NXPE2: variants seen among roughly 807,000 people sequenced by gnomAD.
NXPE2 encodes the protein neurexophilin and PC-esterase domain family member 2.
A neutral mutation model predicts 34.4 loss-of-function variants in NXPE2; 34 were observed. The ratio of observed to expected loss-of-function variants is 0.99; its 90% CI spans 0.75 to 1.31. The LOEUF is 1.31. Ranked by LOEUF, NXPE2 falls within the 40% of genes most tolerant of loss-of-function variation. NXPE2 has a pLI of 0.00. For missense variants in NXPE2, 649 were observed against 672.5 expected, an observed-to-expected ratio of 0.97 and a Z score of 0.39; for synonymous variants, 235 against 231.3, an observed-to-expected ratio of 1.02 and a Z score of -0.15.
the NXPE2 span, among the ~76,000 whole-genome samples, chr11:114,557,968 C>T: frequency 6.6e-6 from 1 of 151,682 alleles, no homozygotes; most frequent in Non-Finnish European, 1.5e-5. Context: ...ACCTCATTTT[C>T]CTTCTATTTC....
chr11:114,468,979 A>AT, the NXPE2 span, among the ~76,000 whole-genome samples: 2 of 152,110 alleles, frequency 1.3e-5, no homozygotes, highest in African/African-American at 4.8e-5. Flanking sequence ...AGACAGGGTA[A>AT]TTTTTTTAAC....
At chr11:114,730,090 G>T in the NXPE2 span, among the ~76,000 whole-genome samples, 1 of 152,098 alleles carries the variant, frequency 6.6e-6, no homozygotes, top group African/African-American at 2.4e-5. Context: ...TATGGTGAAA[G>T]GTATGGGTCC....
At chr11:114,609,027 C>T in the NXPE2 span, among the ~76,000 whole-genome samples, 1 of 151,754 alleles carries the variant, frequency 6.6e-6, no homozygotes, top group South Asian at 2.1e-4. Flanking sequence ...TGTGGGTAAC[C>T]ACTCTTACCT....
At chr11:114,634,616 A>C in the NXPE2 span, among the ~76,000 whole-genome samples, 6 of 152,016 alleles carry the variant, frequency 3.9e-5, no homozygotes, top group Non-Finnish European at 5.9e-5. Flanking sequence ...TTAAGTCTTT[A>C]ATACATTTTG....
At chr11:114,632,044 TA>T in the NXPE2 span, among the ~76,000 whole-genome samples, 1 of 144,822 alleles carries the variant, frequency 6.9e-6, no homozygotes, top group African/African-American at 2.5e-5. Context: ...ATATAATATA[TA>T]ATTTAATAAT....
intron 2 of NXPE2, among the ~76,000 whole-genome samples, chr11:114,697,579 C>T (rs1051517578): frequency 6.6e-6 from 1 of 152,144 alleles, no homozygotes; most frequent in African/African-American, 2.4e-5. Context: ...GAGAACACAA[C>T]CCTTCAACTA....
chr11:114,778,055 T>C, the NXPE2 span, among the ~76,000 whole-genome samples: 3 of 152,136 alleles, frequency 2.0e-5, no homozygotes, highest in Non-Finnish European at 4.4e-5. Flanking sequence ...TTCAAAGAAG[T>C]GTAGTATTCT....
the NXPE2 span, among the ~76,000 whole-genome samples, chr11:114,759,568 A>G: frequency 1.3e-5 from 2 of 152,208 alleles, no homozygotes; most frequent in Admixed American, 6.5e-5. Context: ...CAGAGATTGT[A>G]TGTATCTTAA....
At chr11:114,704,142 T>C in intron 4 of NXPE2, 90 bp downstream of exon 4, 2 of 938,974 alleles carry the variant, frequency 2.1e-6, no homozygotes, top group Non-Finnish European at 3.3e-6. Context: ...ACATTAACGA[T>C]TTGATCTCTC....
chr11:114,662,907 C>G, the NXPE2 span, among the ~76,000 whole-genome samples: 1 of 152,152 alleles, frequency 6.6e-6, no homozygotes, highest in Non-Finnish European at 1.5e-5. Context: ...TACCCAGGTA[C>G]TATATTGAGG....
chr11:114,571,183 T>G, the NXPE2 span: 11 of 1,614,004 alleles, frequency 6.8e-6, no homozygotes, highest in South Asian at 1.2e-4. Flanking sequence ...TCTGGGCTTC[T>G]CAGAAGAAGA....
intron 2 of NXPE2, among the ~76,000 whole-genome samples, chr11:114,695,838 C>CACACACACACAT (rs1414914486): frequency 6.7e-6 from 1 of 148,774 alleles, no homozygotes; most frequent in East Asian, 2.0e-4. Flanking sequence ...TAAACACACA[C>CACACACACACAT]ACACACACAC....
the NXPE2 span, among the ~76,000 whole-genome samples, chr11:114,467,442 G>A: frequency 7.2e-5 from 11 of 152,112 alleles, no homozygotes; most frequent in African/African-American, 2.4e-4. Context: ...AGAGGCCTAG[G>A]AAATATGTAA....
the NXPE2 span, among the ~76,000 whole-genome samples, chr11:114,613,108 C>T: frequency 2.0e-5 from 3 of 151,444 alleles, no homozygotes; most frequent in Non-Finnish European, 2.9e-5. Flanking sequence ...TCCCAGGTAA[C>T]CACTGTAACC....
At chr11:114,487,799 A>T in the NXPE2 span, among the ~76,000 whole-genome samples, 1 of 151,270 alleles carries the variant, frequency 6.6e-6, no homozygotes, top group African/African-American at 2.4e-5. Flanking sequence ...ATGTGATATG[A>T]TATATCACAT....
the NXPE2 span, among the ~76,000 whole-genome samples, chr11:114,469,338 C>T: frequency 6.6e-6 from 1 of 151,626 alleles, no homozygotes; most frequent in Non-Finnish European, 1.5e-5. Flanking sequence ...TGGTCTCGAT[C>T]TCTTGACCTT....
At chr11:114,650,009 A>G in the NXPE2 span, among the ~76,000 whole-genome samples, 1 of 152,262 alleles carries the variant, frequency 6.6e-6, no homozygotes, top group Non-Finnish European at 1.5e-5. Flanking sequence ...AAAGGTCAAT[A>G]AAGATTTCTG....
At chr11:114,612,262 C>T in the NXPE2 span, among the ~76,000 whole-genome samples, 5 of 151,872 alleles carry the variant, frequency 3.3e-5, no homozygotes, top group African/African-American at 4.8e-5. Flanking sequence ...TAAGTGTTGC[C>T]TCTTCAGTAA....
the NXPE2 span, among the ~76,000 whole-genome samples, chr11:114,536,540 C>G: frequency 8.6e-5 from 13 of 151,850 alleles, no homozygotes; most frequent in Non-Finnish European, 1.9e-4. Context: ...GCTAGCAAGA[C>G]TAATAAAGAA....
Sources: allele counts gnomAD v4.1 joint callset (sites outside exome capture counted in the v4.1 genomes callset), GRCh38; gene constraint gnomAD v4.1.1; transcripts MANE v1.5; gene names NCBI Gene and HGNC (gene_info 2026-07-23, HGNC 2026-07-21).